Variants in ATP13A2 observed in about 807,000 individuals in gnomAD.
The protein encoded by ATP13A2 is polyamine-transporting ATPase 13A2.
ATP13A2 carries 83 observed loss-of-function variants against 138.3 expected under a neutral mutation model. The ratio of observed to expected loss-of-function variants is 0.60; its 90% CI spans 0.50 to 0.72. The LOEUF is 0.72. Among genes scored for constraint, ATP13A2 ranks in the 30% least tolerant of loss-of-function variants. The pLI is 0.00. For synonymous variants in ATP13A2, 663 were observed against 699.0 expected (o/e 0.95, Z 0.81); for missense variants, 1,402 against 1,606.4 (o/e 0.87, Z 2.17).
At position 16,986,456 on chromosome 1, in the gene ATP13A2, G is replaced by T. The variant is rs758763354; in HGVS notation, c.3405+7C>A. 1.9e-6 allele frequency: 3 copies of T among 1,611,546 alleles called. No homozygotes were observed. Among genetic ancestry groups the T allele is most frequent in the South Asian group, 1.1e-5 (1 of 91,082 alleles). On this transcript the variant is annotated splice_region_variant and intron_variant, in intron 28 of 28. Coordinates refer to ENST00000326735, the MANE Select transcript of ATP13A2 (RefSeq NM_022089.4). This position sits in a 1 kb window ranked among gnomAD's most constrained non-coding sequence, Gnocchi z 6.9. ...CTCCCGCTGCTGAGACCCAGGGCGG[G>T]CCCCACCTCCAGCATGAAGGCCCCC...
rs1388597727 is a variant in ATP13A2, at chr1:16,995,892, G to A, written c.1542+84C>T. Reference sequence around the variant, plus strand: ...GACCTGGCATCCTGTGGGTGCTGCTGAGAGAATAACGCGGGTGTGGAGGCC... The same window carrying A: ...GACCTGGCATCCTGTGGGTGCTGCTAAGAGAATAACGCGGGTGTGGAGGCC... On this transcript the variant is annotated intron_variant, in intron 15 of 28. Transcript: ENST00000326735. This position sits in a 1 kb window ranked among gnomAD's most constrained non-coding sequence, Gnocchi z 4.1. 6.5e-6 allele frequency: 10 copies of A among 1,534,368 alleles called. No individual in the cohort carries two copies. The African/African-American group carries it at 1.2e-4, about 19-fold the overall frequency.
chr1:16,987,828 C>T (rs776158061), intron 25 of ATP13A2, among the ~76,000 whole-genome samples: 3 of 152,108 alleles, frequency 2.0e-5, no homozygotes, highest in Non-Finnish European at 2.9e-5. Flanking sequence ...GGGGCGGGGG[C>T]GAGGGTTTTG....
At chr1:17,000,650 GC>G in intron 8 of ATP13A2, 116 bp from the exon 9 acceptor site, 2 of 1,359,684 alleles carry the variant, frequency 1.5e-6, no homozygotes, top group Admixed American at 4.9e-5. Flanking sequence ...AAGGACTGGA[GC>G]CAGGCCTTTC....
chr1:17,006,233 G>A (rs962579891), intron 1 of ATP13A2, among the ~76,000 whole-genome samples: 2 of 150,646 alleles, frequency 1.3e-5, no homozygotes, highest in Non-Finnish European at 2.9e-5. Flanking sequence ...TCTTCTTTCC[G>A]TCGGTTCTTA....
rs376236999 is a variant in ATP13A2 at position 16,990,192 on chromosome 1, G to T, written c.2347C>A (p.Arg783=). 11 of 1,613,688 alleles carry T rather than the reference G, an allele frequency of 6.8e-6. No individual in the cohort carries two copies. The highest frequency in any genetic ancestry group is 1.3e-5 in the African/African-American group (1 of 74,926). Residue 783 remains arginine (R), a synonymous_variant, in exon 21 of 29, where the codon CGG becomes AGG. Transcript: ENST00000326735. ...AACTCGAGAGAGGCAGGCTGACCCCGCTCAGGGTGGGTGGCGTGGACGATG... is the reference window on the plus strand; with the variant it reads ...AACTCGAGAGAGGCAGGCTGACCCCTCTCAGGGTGGGTGGCGTGGACGATG... ...LIIVHATHPE[R]GQPASLEFLP...
chr1:16,989,811 C>T, intron 22 of ATP13A2, 41 bp from the exon 23 acceptor site: 1 of 1,612,178 alleles, frequency 6.2e-7, no homozygotes. Flanking sequence ...AGGCACCCAC[C>T]AGGGAGAGCG....
rs1418430423 is a variant in ATP13A2, at chr1:17,005,540, C to A, written c.122G>T (p.Cys41Phe). Residue 41 changes from cysteine to phenylalanine, a missense_variant, in exon 3 of 29, where the codon TGT (cysteine) becomes TTT (phenylalanine). Transcript: ENST00000326735. ...GCCGATGACCCTCCATGGACTGCCA[C>A]AGTAGCCGCTGAGCCTCTGCGAACG... ...SVSSVRLSGY[C>F]GSPWRVIGYH... 9 of 1,614,186 alleles carry A rather than the reference C, an allele frequency of 5.6e-6. No homozygotes were observed. The highest frequency in any genetic ancestry group is 7.6e-6 in the Non-Finnish European group (9 of 1,180,038).
Position 16,988,222 on chromosome 1 carries a change from A to T in ATP13A2, c.2775T>A (p.Cys925Ter). Residue 925 changes from cysteine to a stop codon, truncating the protein, a stop_gained, in exon 25 of 29, where the codon TGT (cysteine) becomes TGA (stop). Transcript: ENST00000326735. LOFTEE classifies it high-confidence loss of function. ...AGACGCTGAACGAAGTGTCAAGGGA[A>T]CAGCGCCCCTCCCTGGGTGGCAGGG... ...CVPMVIREGR[C>*]SLDTSFSVFK... The T allele has an allele frequency of 6.2e-7, 1 of 1,614,180 alleles. No homozygotes were observed. Among genetic ancestry groups the T allele is most frequent in the Non-Finnish European group, 8.5e-7 (1 of 1,180,022 alleles).
At chr1:16,999,940 C>T (rs1469180111) in intron 11 of ATP13A2, 71 bp downstream of exon 11, 10 of 1,488,620 alleles carry the variant, frequency 6.7e-6, no homozygotes, top group East Asian at 2.4e-5. Flanking sequence ...CAAATGAAAA[C>T]TTTTGCCGCA....
At chr1:16,994,671 A>T (rs1006987827) in intron 15 of ATP13A2, among the ~76,000 whole-genome samples, 18 of 145,362 alleles carry the variant, frequency 1.2e-4, no homozygotes, top group African/African-American at 2.3e-4. Context: ...CGGTTTATTT[A>T]TTTTTTTTTG....
Position 16,989,979 on chromosome 1 carries a change from T to A in ATP13A2, c.2437A>T (p.Thr813Ser), listed in dbSNP as rs778353567. The change falls in exon 22 of 29, where the codon ACC becomes TCC. Residue 813 changes from threonine (T) to serine (S), a missense_variant. Transcript: ENST00000326735. ...CTGGATCGGGGGTCTGGCTCCACGG[T>A]GTAGCTTGCAGCCTGGTCAGGATCC... ...VKDPDQAASYTVEPDPRSRHL... is the reference protein window; with the variant it reads ...VKDPDQAASYSVEPDPRSRHL... 6.2e-7 allele frequency: 1 copy of A among 1,610,252 alleles called. No individual in the cohort carries two copies. Among genetic ancestry groups the A allele is most frequent in the Non-Finnish European group, 8.5e-7 (1 of 1,178,308 alleles).
intron 1 of ATP13A2, among the ~76,000 whole-genome samples, chr1:17,009,017 G>A (rs2077676432): frequency 6.6e-6 from 1 of 151,172 alleles, no homozygotes; most frequent in Admixed American, 6.6e-5. Context: ...TGATGGGAAA[G>A]GAGCCATCCC....
At chr1:17,000,164 G>A in intron 10 of ATP13A2, 22 bp from the exon 11 acceptor site, 1 of 1,612,646 alleles carries the variant, frequency 6.2e-7, no homozygotes, top group Non-Finnish European at 8.5e-7. Flanking sequence ...CAGGAGAGGA[G>A]CTCAGCTAGG....
At position 16,995,562 on chromosome 1, in the gene ATP13A2, C is replaced by T; in HGVS notation, c.1542+414G>A. The T allele has an allele frequency of 3.0e-6, 1 of 333,148 alleles. No individual in the cohort carries two copies. The highest frequency in any genetic ancestry group is 2.4e-5 in the South Asian group (1 of 41,674). The allele number at this position is 333,148 out of a possible 1,614,324, so 20.6% of individuals were successfully genotyped here. A position where few individuals can be genotyped will look rare whatever the true frequency, so the allele number is the denominator to read the frequency against. Reference sequence around the variant, plus strand: ...ACTGCAACCTCTGCGATTCTCCTGCCTCAGCCTCCCGAGTAGCTGGGATTA... The same window carrying T: ...ACTGCAACCTCTGCGATTCTCCTGCTTCAGCCTCCCGAGTAGCTGGGATTA... On this transcript the variant is annotated intron_variant, in intron 15 of 28. Transcript: ENST00000326735. The surrounding 1 kb of genome is among the most constrained non-coding windows in gnomAD (Gnocchi z 4.1).
chr1:16,991,955 G>A (rs1288961384), intron 19 of ATP13A2, 54 bp downstream of exon 19: 2 of 1,609,330 alleles, frequency 1.2e-6, no homozygotes, highest in Non-Finnish European at 1.7e-6. Flanking sequence ...CTGCCTGCGT[G>A]AGAGCCTCCC....
rs1312226265 is a variant in ATP13A2, at chr1:17,011,422, G to A, written c.10+307C>T. Among the ~76,000 whole-genome samples, 1 of 152,158 alleles carries A rather than the reference G, an allele frequency of 6.6e-6. No individual in the cohort carries two copies. Among genetic ancestry groups the A allele is most frequent in the East Asian group, 1.9e-4 (1 of 5,172 alleles). Reference sequence around the variant, plus strand: ...GGCGTGGGGTGGCCTCCCCGTCCCCGCACGGCCCCAGGACCCTCTTGCACA... The same window carrying A: ...GGCGTGGGGTGGCCTCCCCGTCCCCACACGGCCCCAGGACCCTCTTGCACA... On this transcript the variant is annotated intron_variant, in intron 1 of 28. Transcript: ENST00000326735. This position sits in a 1 kb window ranked among gnomAD's most constrained non-coding sequence, Gnocchi z 7.3.
At chr1:17,006,639 C>T (rs1398332056) in intron 1 of ATP13A2, among the ~76,000 whole-genome samples, 1 of 152,104 alleles carries the variant, frequency 6.6e-6, no homozygotes, top group Non-Finnish European at 1.5e-5. Context: ...GCCCCAAGCC[C>T]CCATGGTGCT....
intron 8 of ATP13A2, among the ~76,000 whole-genome samples, chr1:17,001,530 C>T (rs574826104): frequency 6.6e-6 from 1 of 152,326 alleles, no homozygotes; most frequent in African/African-American, 2.4e-5. Context: ...ATGGTGCCTG[C>T]CCCCGATCAG....
Position 17,002,066 on chromosome 1 carries a change from C to T in ATP13A2, c.673G>A (p.Val225Ile), listed in dbSNP as rs987714358. The change falls in exon 8 of 29, where the codon GTC becomes ATC. Residue 225 changes from valine to isoleucine, a missense_variant. Transcript: ENST00000326735. ...IYGPNVISIPVKSYPQLLVDE... is the reference protein window; with the variant it reads ...IYGPNVISIPIKSYPQLLVDE... ...ACCAGCAGCTGGGGGTAGGACTTGA[C>T]CGGTATGCTGATCACGTTGGGGCCG... 3 of 1,613,546 alleles carry T rather than the reference C, an allele frequency of 1.9e-6. No homozygotes were observed. The highest frequency in any genetic ancestry group is 1.3e-5 in the African/African-American group (1 of 75,040).
Sources: gnomAD v4.1 joint callset for allele counts (sites outside exome capture counted in the v4.1 genomes callset) on GRCh38, gnomAD v4.1.1 for gene constraint, Gnocchi (gnomAD v3.1) non-coding constraint, MANE v1.5 for transcripts, NCBI Gene and HGNC (gene_info 2026-07-23, HGNC 2026-07-21) for gene names.